The following BDH1 variants were observed in gnomAD, a reference collection of about 807,000 sequenced individuals.
The protein encoded by BDH1 is D-beta-hydroxybutyrate dehydrogenase, mitochondrial.
In BDH1, 30 loss-of-function variants were observed where a neutral mutation model predicts 33.1. The ratio of observed to expected loss-of-function variants is 0.91; its 90% CI spans 0.68 to 1.23. The LOEUF is 1.23. BDH1 is among the 50% of genes most tolerant of loss of function. The pLI is 0.00. For synonymous variants in BDH1, 190 were observed against 183.6 expected (o/e 1.03, Z -0.28); for missense variants, 443 against 464.4 (o/e 0.95, Z 0.42).
At position 197,516,164 on chromosome 3, in the gene BDH1, G is replaced by A. The variant is rs948567883; in HGVS notation, c.410-1748C>T. The stretch of plus-strand genomic sequence containing the variant: ...CTTCCCTGACACCTTTCTTTCACCT[G>A]CCCCCAGATACAAGTGGCCCCCAAT... On this transcript the variant is annotated intron_variant, in intron 6 of 7. Transcript: ENST00000392379. This position sits in a 1 kb window ranked among gnomAD's most constrained non-coding sequence, Gnocchi z 4.2. Among the ~76,000 whole-genome samples, 2 of 152,116 alleles carry A rather than the reference G, an allele frequency of 1.3e-5. No homozygotes were observed. The highest frequency in any genetic ancestry group is 2.4e-5 in the African/African-American group (1 of 41,506).
At chr3:197,567,510 T>C (rs1717471654) in intron 1 of BDH1, among the ~76,000 whole-genome samples, 1 of 152,234 alleles carries the variant, frequency 6.6e-6, no homozygotes, top group African/African-American at 2.4e-5. Flanking sequence ...CCAGTTGTCC[T>C]ACCTTTCTGG....
At chr3:197,539,016 G>C (rs1715377617) in intron 3 of BDH1, 1 of 152,250 alleles carries the variant, frequency 6.6e-6, no homozygotes, top group African/African-American at 2.4e-5. Context: ...CAGTGAAAGA[G>C]AGCTGACCTA....
intron 3 of BDH1, among the ~76,000 whole-genome samples, chr3:197,537,116 G>A (rs566552756): frequency 5.3e-5 from 8 of 152,000 alleles, no homozygotes; most frequent in Non-Finnish European, 1.0e-4. Context: ...AGCCTCCCCA[G>A]TAGCTGGGAC....
Position 197,570,705 on chromosome 3 carries a change from A to G in BDH1, c.-44+2476T>C, listed in dbSNP as rs146191406. On this transcript the variant is annotated intron_variant, in intron 1 of 6. Transcript: ENST00000358186. ...TTGAGGATTGGGAACCTCCACCTAG[A>G]TTTCAGAGGAGGTATGGAAATAACT... Among the ~76,000 whole-genome samples the G allele has an allele frequency of 1.9e-3, 282 of 152,318 alleles. 2 individuals are homozygous for G. Among genetic ancestry groups the G allele is most frequent in the African/African-American group, 6.4e-3 (268 of 41,572 alleles).
intron 1 of BDH1, among the ~76,000 whole-genome samples, chr3:197,572,676 G>A (rs1052928018): frequency 9.2e-5 from 14 of 152,122 alleles, no homozygotes; most frequent in African/African-American, 3.4e-4. Flanking sequence ...GTTTGAGGCT[G>A]CAGTGAGGTA....
intron 3 of BDH1, chr3:197,543,088 A>G: frequency 1.0e-6 from 1 of 985,266 alleles, no homozygotes; most frequent in Non-Finnish European, 1.2e-6. Flanking sequence ...TGTGCCTTTT[A>G]TTGTCCCCAT....
At chr3:197,540,584 A>C (rs1026416097) in intron 3 of BDH1, among the ~76,000 whole-genome samples, 6 of 152,004 alleles carry the variant, frequency 3.9e-5, no homozygotes, top group African/African-American at 1.4e-4. Context: ...CAGGAGAATC[A>C]TTTGAGCCCG....
Position 197,555,769 on chromosome 3 carries a change from C to T in BDH1, c.-196+12G>A, listed in dbSNP as rs1716974211. 6.6e-6 allele frequency: 1 copy of T among 152,296 alleles called. No individual in the cohort carries two copies. The highest frequency in any genetic ancestry group is 1.5e-5 in the Non-Finnish European group (1 of 68,094). 9.4% of individuals were successfully genotyped at this position (152,296 alleles called of 1,614,324 possible). On this transcript the variant is annotated intron_variant, in intron 1 of 7. Coordinates refer to ENST00000392379, the MANE Select transcript of BDH1 (RefSeq NM_203314.3). Reference sequence around the variant, plus strand: ...CCGCCCGAGCTGCAGAGACGCGGACCCCTCCTCTTACCCAAAACCAAATGG... The same window carrying T: ...CCGCCCGAGCTGCAGAGACGCGGACTCCTCCTCTTACCCAAAACCAAATGG...
intron 1 of BDH1, among the ~76,000 whole-genome samples, chr3:197,571,296 G>A (rs1717598527): frequency 6.6e-6 from 1 of 152,156 alleles, no homozygotes; most frequent in African/African-American, 2.4e-5. Flanking sequence ...GTGGACTTTT[G>A]AGTTAATGCT....
rs1210886723 is a variant in BDH1, at chr3:197,521,044, C to G, written c.409+1596G>C. Among the ~76,000 whole-genome samples, 1 of 152,174 alleles carries G rather than the reference C, an allele frequency of 6.6e-6. No individual in the cohort carries two copies. Among genetic ancestry groups the G allele is most frequent in the Non-Finnish European group, 1.5e-5 (1 of 68,024 alleles). Reference sequence around the variant, plus strand: ...TGTGACAGACAGCACATCCATCTGGCTGATACAGGCTCAGCAGAGCTCCCC... The same window carrying G: ...TGTGACAGACAGCACATCCATCTGGGTGATACAGGCTCAGCAGAGCTCCCC... On this transcript the variant is annotated intron_variant, in intron 6 of 7. Coordinates refer to ENST00000392379, the MANE Select transcript of BDH1 (RefSeq NM_203314.3). The surrounding 1 kb of genome is among the most constrained non-coding windows in gnomAD (Gnocchi z 4.9).
chr3:197,523,864 G>T lies in BDH1; in HGVS notation c.268-1083C>A, dbSNP rs570512524. ...GGGAAGAGATAAGAGGACGCCACCA[G>T]AAGCCATTGGTTGCAGGCAGTGCAG... On this transcript the variant is annotated intron_variant, in intron 5 of 7. Transcript: ENST00000392379. This position sits in a 1 kb window ranked among gnomAD's most constrained non-coding sequence, Gnocchi z 4.5. 7.9e-5 allele frequency among the ~76,000 whole-genome samples: 12 copies of T among 152,322 alleles called. No homozygotes were observed. The East Asian group carries it at 2.3e-3, about 29-fold the overall frequency.
chr3:197,535,876 C>T (rs566702066), intron 3 of BDH1, among the ~76,000 whole-genome samples: 38 of 152,130 alleles, frequency 2.5e-4, no homozygotes, highest in Non-Finnish European at 3.7e-4. Flanking sequence ...GAAACCCCAT[C>T]TCTACAAAAA....
At chr3:197,570,372 A>G (rs1162700528) in intron 1 of BDH1, among the ~76,000 whole-genome samples, 4 of 152,278 alleles carry the variant, frequency 2.6e-5, no homozygotes, top group African/African-American at 9.6e-5. Flanking sequence ...AGAAATTTGC[A>G]TAAGTAATGA....
At position 197,516,627 on chromosome 3, in the gene BDH1, G is replaced by A. The variant is rs183253499; in HGVS notation, c.410-2211C>T. ...CTCTCCTCATCCCATCTCCTGTCTCGCTTCCACCTGAATGTCCCACGGGTC... is the reference window on the plus strand; with the variant it reads ...CTCTCCTCATCCCATCTCCTGTCTCACTTCCACCTGAATGTCCCACGGGTC... On this transcript the variant is annotated intron_variant, in intron 6 of 7. Coordinates refer to ENST00000392379, the MANE Select transcript of BDH1 (RefSeq NM_203314.3). The surrounding 1 kb of genome is among the most constrained non-coding windows in gnomAD (Gnocchi z 4.2). Among the ~76,000 whole-genome samples, 2 of 151,972 alleles carry A rather than the reference G, an allele frequency of 1.3e-5. No individual in the cohort carries two copies. The highest frequency in any genetic ancestry group is 6.6e-5 in the Admixed American group (1 of 15,266).
chr3:197,560,449 G>C (rs181496560), upstream of BDH1, among the ~76,000 whole-genome samples: 2 of 152,242 alleles, frequency 1.3e-5, no homozygotes, highest in Non-Finnish European at 2.9e-5. Context: ...CTTTTAAAAA[G>C]TTCTAAGTTA....
chr3:197,564,139 G>T (rs966921528), intron 1 of BDH1, among the ~76,000 whole-genome samples: 3 of 147,180 alleles, frequency 2.0e-5, no homozygotes, highest in South Asian at 4.3e-4. Flanking sequence ...AAATAAAGAG[G>T]TTTTTTTTGG....
rs150869765 is a variant in BDH1 at position 197,542,273 on chromosome 3, A to C, written c.83+4088T>G. Among the ~76,000 whole-genome samples, 47 of 152,306 alleles carry C rather than the reference A, an allele frequency of 3.1e-4. No homozygotes were observed. The East Asian group carries it at 8.1e-3, about 26-fold the overall frequency. ...ACTTCTAGGGGTTCCTGCTATTCTT[A>C]GTGTGAGGCAATCCCAGCTCATACA... On this transcript the variant is annotated intron_variant, in intron 3 of 7. Transcript: ENST00000392379.
Position 197,523,227 on chromosome 3 carries a change from A to C in BDH1, c.268-446T>G, listed in dbSNP as rs1417754341. ...TTGGCAACTTACACACATTTAAAAA[A>C]AAAAACAAAAAAACACTGTGAAGGC... On this transcript the variant is annotated intron_variant, in intron 5 of 7. Coordinates refer to ENST00000392379, the MANE Select transcript of BDH1 (RefSeq NM_203314.3). This position sits in a 1 kb window ranked among gnomAD's most constrained non-coding sequence, Gnocchi z 4.5. 1 of 157,632 alleles carries C rather than the reference A, an allele frequency of 6.3e-6. No homozygotes were observed. Among genetic ancestry groups the C allele is most frequent in the Non-Finnish European group, 1.4e-5 (1 of 71,940 alleles). The allele number at this position is 157,632 out of a possible 1,614,324, so 9.8% of individuals were successfully genotyped here.
In BDH1 at chr3:197,533,443, G is replaced by T. The variant is rs759134646; in HGVS notation, c.156+46C>A. ...AGGGCCTAGGGGCCCAGAAGAAAGG[G>T]TTCTGACCATCCAACTGGCTCCCGG... On this transcript the variant is annotated intron_variant, in intron 4 of 7. Transcript: ENST00000392379. 11 of 1,591,138 alleles carry T rather than the reference G, an allele frequency of 6.9e-6. No individual in the cohort carries two copies. The South Asian group carries it at 1.1e-4, about 16-fold the overall frequency.
Sources: gnomAD v4.1 joint callset for allele counts (sites outside exome capture counted in the v4.1 genomes callset) on GRCh38, gnomAD v4.1.1 for gene constraint, Gnocchi (gnomAD v3.1) non-coding constraint, MANE v1.5 for transcripts, NCBI Gene and HGNC (gene_info 2026-07-23, HGNC 2026-07-21) for gene names.